Variants in APBB1IP observed in about 807,000 individuals in gnomAD.
APBB1IP encodes amyloid beta A4 precursor protein-binding family B member 1-interacting protein.
A neutral mutation model predicts 64.9 loss-of-function variants in APBB1IP; 27 were observed. That is an observed-to-expected ratio of 0.42 (90% CI 0.31 to 0.57). The LOEUF is 0.57. Ranked by LOEUF, APBB1IP falls within the 20% of genes least tolerant of loss-of-function variation. APBB1IP has a pLI of 0.20. For synonymous variants in APBB1IP, 392 were observed against 331.0 expected (o/e 1.18, Z -2.00); for missense variants, 812 against 845.5 (o/e 0.96, Z 0.49).
chr10:26,496,486 C>T, intron 4 of APBB1IP, 95 bp downstream of exon 4: 1 of 952,488 alleles, frequency 1.0e-6, no homozygotes. Context: ...ATTAAAGGAA[C>T]CTAAACATCA....
At chr10:26,474,454 T>C (rs904813748) in intron 2 of APBB1IP, among the ~76,000 whole-genome samples, 1 of 152,218 alleles carries the variant, frequency 6.6e-6, no homozygotes, top group African/African-American at 2.4e-5. Context: ...CAGGAAAATC[T>C]TCCTTGCACT....
intron 11 of APBB1IP, among the ~76,000 whole-genome samples, chr10:26,556,209 C>T (rs1311009571): frequency 6.6e-6 from 1 of 152,196 alleles, no homozygotes; most frequent in African/African-American, 2.4e-5. Flanking sequence ...CCAGCATTTT[C>T]CTGAAACCTC....
intron 10 of APBB1IP, among the ~76,000 whole-genome samples, chr10:26,538,274 A>T (rs1204287639): frequency 1.3e-5 from 2 of 152,240 alleles, no homozygotes; most frequent in Non-Finnish European, 2.9e-5. Context: ...CTCAGCAAGA[A>T]ATGTTCCAGA....
At position 26,488,507 on chromosome 10, in the gene APBB1IP, A is replaced by G. The variant is rs560210452; in HGVS notation, c.1-3820A>G. ...CTCGGCCTCCCAAAGTGCTGGGATA[A>G]CAGGCGTGAGTCACCATGCCCAGCC... On this transcript the variant is annotated intron_variant, in intron 2 of 14. Coordinates refer to ENST00000376236, the MANE Select transcript of APBB1IP (RefSeq NM_019043.4). 6.6e-5 allele frequency among the ~76,000 whole-genome samples: 10 copies of G among 152,302 alleles called. No homozygotes were observed. The South Asian group carries it at 1.7e-3, about 25-fold the overall frequency.
At chr10:26,491,921 C>G (rs1328609803) in intron 2 of APBB1IP, among the ~76,000 whole-genome samples, 1 of 152,028 alleles carries the variant, frequency 6.6e-6, no homozygotes, top group Non-Finnish European at 1.5e-5. Context: ...GCCACCACAC[C>G]CAGGTAATTT....
At chr10:26,504,062 AC>A (rs574531407) in intron 6 of APBB1IP, among the ~76,000 whole-genome samples, 80 of 152,230 alleles carry the variant, frequency 5.3e-4, no homozygotes, top group African/African-American at 1.9e-3. Flanking sequence ...AGGTGGCGCC[AC>A]CTTTGGGGAA....
At chr10:26,461,740 G>A (rs771374797) in intron 2 of APBB1IP, among the ~76,000 whole-genome samples, 17 of 151,512 alleles carry the variant, frequency 1.1e-4, no homozygotes, top group South Asian at 4.2e-4. Flanking sequence ...TCATTTTTTC[G>A]TCTTCTTTTA....
chr10:26,541,919 T>C (rs1836702533), intron 11 of APBB1IP, among the ~76,000 whole-genome samples: 1 of 152,216 alleles, frequency 6.6e-6, no homozygotes, highest in Admixed American at 6.5e-5. Flanking sequence ...TCTTCACTTC[T>C]GAAAATGAAA....
intron 2 of APBB1IP, among the ~76,000 whole-genome samples, chr10:26,470,878 C>T (rs1835708261): frequency 1.3e-5 from 2 of 152,114 alleles, no homozygotes; most frequent in African/African-American, 4.8e-5. Flanking sequence ...CTCTCACCAA[C>T]CTCAGCCTGC....
chr10:26,539,268 T>TG (rs1836667060), intron 10 of APBB1IP, among the ~76,000 whole-genome samples: 1 of 151,708 alleles, frequency 6.6e-6, no homozygotes, highest in Admixed American at 6.6e-5. Context: ...AAAAAATTAG[T>TG]GGGGATGGTG....
chr10:26,445,647 A>G (rs1238391089), intron 2 of APBB1IP, among the ~76,000 whole-genome samples: 1 of 152,264 alleles, frequency 6.6e-6, no homozygotes, highest in African/African-American at 2.4e-5. Flanking sequence ...AAGTTAGGAC[A>G]GAGACCTTTC....
At position 26,462,687 on chromosome 10, in the gene APBB1IP, T is replaced by C. The variant is rs138854174; in HGVS notation, c.-1+23834T>C. ...AAGTAATAGTGATTTGTTGTTTTCC[T>C]ATTTTAGGAATGCTTTTTTTAGTGG... On this transcript the variant is annotated intron_variant, in intron 2 of 14. Coordinates refer to ENST00000376236, the MANE Select transcript of APBB1IP (RefSeq NM_019043.4). 1.3e-3 allele frequency among the ~76,000 whole-genome samples: 205 copies of C among 152,342 alleles called. 5 individuals are homozygous for C. The South Asian group carries it at 0.025, about 18-fold the overall frequency.
intron 3 of APBB1IP, among the ~76,000 whole-genome samples, chr10:26,496,011 T>C (rs1170913945): frequency 6.9e-6 from 1 of 145,476 alleles, no homozygotes; most frequent in Non-Finnish European, 1.5e-5. Context: ...ATAGTGTGTG[T>C]GTTCACCATT....
intron 2 of APBB1IP, among the ~76,000 whole-genome samples, chr10:26,478,224 C>G (rs1384841319): frequency 6.6e-6 from 1 of 152,194 alleles, no homozygotes; most frequent in African/African-American, 2.4e-5. Flanking sequence ...GAGTAGGGAA[C>G]AGGTGTTCCA....
chr10:26,533,100 C>G (rs1331454544), intron 8 of APBB1IP, among the ~76,000 whole-genome samples: 1 of 152,232 alleles, frequency 6.6e-6, no homozygotes, highest in African/African-American at 2.4e-5. Flanking sequence ...GCCTCCAGCT[C>G]TTGCCAGTGC....
In APBB1IP at chr10:26,500,905, A is replaced by G. The variant is rs45596737; in HGVS notation, c.247A>G (p.Ile83Val). 4.3e-6 allele frequency: 7 copies of G among 1,614,218 alleles called. No individual in the cohort carries two copies. Among genetic ancestry groups the G allele is most frequent in the Admixed American group, 1.7e-5 (1 of 60,026 alleles). Reference protein sequence around the residue: ...ADISEAEQRTIQAQKESLQNQ... With the variant: ...ADISEAEQRTVQAQKESLQNQ... ...CATAAGTGAGGCTGAGCAGAGGACA[A>G]TCCAGGCACAGAAAGAGTCCTTGCA... The change falls in exon 5 of 15, where the codon ATC (isoleucine) becomes GTC (valine). Residue 83 changes from isoleucine to valine, a missense_variant. Coordinates refer to ENST00000376236, the MANE Select transcript of APBB1IP (RefSeq NM_019043.4).
intron 2 of APBB1IP, among the ~76,000 whole-genome samples, chr10:26,452,907 A>G (rs1835480926): frequency 1.6e-5 from 2 of 126,294 alleles, no homozygotes; most frequent in South Asian, 5.6e-4. Context: ...AACATGCAGT[A>G]TTTGAATTTC....
intron 3 of APBB1IP, among the ~76,000 whole-genome samples, chr10:26,496,094 C>G (rs1381251847): frequency 3.3e-5 from 5 of 150,514 alleles, no homozygotes; most frequent in African/African-American, 1.2e-4. Context: ...TGGTCTGTTT[C>G]AAGATCTTCC....
chr10:26,560,182 C>T lies in APBB1IP; in HGVS notation c.1233C>T (p.Val411=), dbSNP rs150008003. 2 of 1,614,106 alleles carry T rather than the reference C, an allele frequency of 1.2e-6. No individual in the cohort carries two copies. The highest frequency in any genetic ancestry group is 1.7e-5 in the Admixed American group (1 of 60,016). The change falls in exon 12 of 15, where the codon GTC becomes GTT. Residue 411 remains valine, a synonymous_variant. Transcript: ENST00000376236. ...ACACAAGAACCCTTAACCAGTGGGT[C>T]ATGGGAATACGGATAGCCAAGGTGA... is the stretch of plus-strand genomic sequence containing the variant. The part of the protein sequence containing the change: ...CDDTRTLNQW[V]MGIRIAKYGK...
Sources: allele counts gnomAD v4.1 joint callset (sites outside exome capture counted in the v4.1 genomes callset), GRCh38; gene constraint gnomAD v4.1.1; transcripts MANE v1.5; gene names NCBI Gene and HGNC (gene_info 2026-07-23, HGNC 2026-07-21).